The following CYP3A4 variants were observed in gnomAD, a reference collection of about 807,000 sequenced individuals.
The protein encoded by CYP3A4 is cytochrome P450 family 3 subfamily A member 4.
Under a neutral mutation model 54.9 loss-of-function variants are expected in CYP3A4, and 41 were observed. The observed-to-expected ratio is 0.75, with a 90% CI of 0.58 to 0.97. The LOEUF (loss-of-function observed/expected upper bound fraction) is 0.97, where lower values mean the gene tolerates loss of function less well. Among genes scored for constraint, CYP3A4 ranks in the 50% least tolerant of loss-of-function variants. CYP3A4 has a pLI of 0.00. For synonymous variants in CYP3A4, 179 were observed against 205.2 expected, an observed-to-expected ratio of 0.87 and a Z score of 1.09; for missense variants, 510 against 597.3, an observed-to-expected ratio of 0.85 and a Z score of 1.52.
chr7:99,768,213 T>C, intron 7 of CYP3A4, 141 bp downstream of exon 7: 2 of 1,027,526 alleles, frequency 1.9e-6, no homozygotes, highest in Non-Finnish European at 2.8e-6. Flanking sequence ...AAAATGATGA[T>C]GGTCACACAT....
chr7:99,775,948 C>T (rs1190379786), intron 3 of CYP3A4, among the ~76,000 whole-genome samples: 1 of 152,150 alleles, frequency 6.6e-6, no homozygotes, highest in Non-Finnish European at 1.5e-5. Flanking sequence ...ATCCATCTGA[C>T]GAAGGGCTAA....
Position 99,766,781 on chromosome 7 carries a change from G to A in CYP3A4, c.799-338C>T, listed in dbSNP as rs28371758. ...TTTACCAATTTATGATCTGGGGAAA[G>A]CATAATATCAGTAAAATATATTTCC... On this transcript the variant is annotated intron_variant, in intron 8 of 12. Transcript: ENST00000651514. 1,861 of 374,686 alleles carry A rather than the reference G, an allele frequency of 5.0e-3. 24 individuals carry two copies. Among genetic ancestry groups the A allele is most frequent in the Admixed American group, 0.02 (468 of 23,100 alleles). 23.2% of individuals were successfully genotyped at this position (374,686 alleles called of 1,614,324 possible).
intron 2 of CYP3A4, among the ~76,000 whole-genome samples, chr7:99,778,862 G>GA (rs1815842395): frequency 6.6e-6 from 1 of 152,184 alleles, no homozygotes; most frequent in Non-Finnish European, 1.5e-5. Flanking sequence ...AGTTGACCTG[G>GA]AAAAGGTGGC....
chr7:99,781,920 G>A (rs143682015), intron 1 of CYP3A4, among the ~76,000 whole-genome samples: 21 of 152,328 alleles, frequency 1.4e-4, no homozygotes, highest in African/African-American at 4.8e-4. Flanking sequence ...TACAAATCCG[G>A]TGACTGTGAT....
Position 99,757,981 on chromosome 7 carries a change from C to G in CYP3A4, c.*152G>C. ...ACACTCTACACAGACAATGAGAGAGCTCAATGCATGTACAGAATCCCCGGT... is the reference window on the plus strand; with the variant it reads ...ACACTCTACACAGACAATGAGAGAGGTCAATGCATGTACAGAATCCCCGGT... On this transcript the variant is annotated 3_prime_UTR_variant, in exon 13 of 13. Coordinates refer to ENST00000651514, the MANE Select transcript of CYP3A4 (RefSeq NM_017460.6). The G allele has an allele frequency of 1.5e-6, 1 of 646,710 alleles. No individual in the cohort carries two copies. Among genetic ancestry groups the G allele is most frequent in the Non-Finnish European group, 2.7e-6 (1 of 365,268 alleles). The allele number at this position is 646,710 out of a possible 1,614,324, so 40.1% of individuals were successfully genotyped here. A position where few individuals can be genotyped will look rare whatever the true frequency, so the allele number is the denominator to read the frequency against.
In CYP3A4 at chr7:99,767,049, G is replaced by A. The variant is rs12721624; in HGVS notation, c.798+82C>T. ...TAAAAGCATTCTTTAAAAACATACA[G>A]GTAACTGCACTGATCATATGTATAT... On this transcript the variant is annotated intron_variant, in intron 8 of 12. Coordinates refer to ENST00000651514, the MANE Select transcript of CYP3A4 (RefSeq NM_017460.6). 1,439 of 1,284,642 alleles carry A rather than the reference G, an allele frequency of 1.1e-3. 10 individuals carry two copies. The African/African-American group carries it at 0.02, about 18-fold the overall frequency. 79.6% of individuals were successfully genotyped at this position (1,284,642 alleles called of 1,614,324 possible).
At chr7:99,782,944 C>T (rs950422041) in intron 1 of CYP3A4, among the ~76,000 whole-genome samples, 2 of 152,082 alleles carry the variant, frequency 1.3e-5, no homozygotes, top group Admixed American at 1.3e-4. Flanking sequence ...TTTATTGTAA[C>T]AAATACTGAA....
intron 1 of CYP3A4, among the ~76,000 whole-genome samples, chr7:99,782,995 A>T (rs779153908): frequency 9.2e-5 from 14 of 152,200 alleles, no homozygotes; most frequent in Non-Finnish European, 1.5e-4. Flanking sequence ...ACATGTTGGA[A>T]ATAGACTATC....
chr7:99,779,631 CAG>C (rs1384780865), intron 2 of CYP3A4, among the ~76,000 whole-genome samples: 2 of 152,192 alleles, frequency 1.3e-5, no homozygotes, highest in Non-Finnish European at 2.9e-5. Flanking sequence ...AAGTCACAAT[CAG>C]GGGGTCCTTT....
At chr7:99,760,685 T>G in intron 12 of CYP3A4, 134 bp downstream of exon 12, 1 of 1,197,886 alleles carries the variant, frequency 8.3e-7, no homozygotes, top group Non-Finnish European at 1.2e-6. Context: ...AGATCACAGA[T>G]GGGCCTAATT....
intron 3 of CYP3A4, among the ~76,000 whole-genome samples, chr7:99,773,090 G>C (rs2151562455): frequency 6.6e-6 from 1 of 152,122 alleles, no homozygotes; most frequent in Admixed American, 6.5e-5. Flanking sequence ...GATCAAAAGA[G>C]ACAAAGATGG....
At chr7:99,764,774 C>G (rs1021816046) in intron 9 of CYP3A4, among the ~76,000 whole-genome samples, 3 of 152,114 alleles carry the variant, frequency 2.0e-5, no homozygotes, top group Admixed American at 6.5e-5. Flanking sequence ...TCAGGATGTA[C>G]AAGAATGAGA....
chr7:99,761,979 G>A, intron 11 of CYP3A4, 62 bp downstream of exon 11: 1 of 1,404,844 alleles, frequency 7.1e-7, no homozygotes, highest in Non-Finnish European at 1.0e-6. Context: ...TAGATTAAGA[G>A]AGGCAGAATA....
chr7:99,773,471 A>C (rs2151562663), intron 3 of CYP3A4, among the ~76,000 whole-genome samples: 1 of 152,340 alleles, frequency 6.6e-6, no homozygotes, highest in South Asian at 2.1e-4. Context: ...GCAAATGTAA[A>C]AGAAAAGAAA....
At chr7:99,766,716 G>C in intron 8 of CYP3A4, 1 of 472,106 alleles carries the variant, frequency 2.1e-6, no homozygotes, top group Non-Finnish European at 3.8e-6. Flanking sequence ...ACTTTCATTT[G>C]AGAATGTGTA....
rs1364718954 is a variant in CYP3A4, at chr7:99,758,244, A to G, written c.1417-16T>C. 1 of 1,611,446 alleles carries G rather than the reference A, an allele frequency of 6.2e-7. No homozygotes were observed. Among genetic ancestry groups the G allele is most frequent in the Non-Finnish European group, 8.5e-7 (1 of 1,177,894 alleles). Reference sequence around the variant, plus strand: ...TCAGGGGGATCTGCAACAGTTAAACAAGCATATTGAGAAGCATTAAATAAA... The same window carrying G: ...TCAGGGGGATCTGCAACAGTTAAACGAGCATATTGAGAAGCATTAAATAAA... On this transcript the variant is annotated splice_polypyrimidine_tract_variant and intron_variant, in intron 12 of 12. Coordinates refer to ENST00000651514, the MANE Select transcript of CYP3A4 (RefSeq NM_017460.6).
chr7:99,758,337 T>G (rs1815234659), intron 12 of CYP3A4, 109 bp from the exon 13 acceptor site: 1 of 1,275,986 alleles, frequency 7.8e-7, no homozygotes, highest in Admixed American at 1.8e-5. Context: ...CACAACAGAG[T>G]GATATTCTGA....
At chr7:99,777,271 G>A (rs565223141) in intron 3 of CYP3A4, among the ~76,000 whole-genome samples, 152 of 152,186 alleles carry the variant, frequency 1.0e-3, no homozygotes, top group African/African-American at 3.5e-3. Flanking sequence ...AAAAGAAGAG[G>A]GGAATAGGCA....
At chr7:99,778,994 T>G (rs1379663498) in intron 2 of CYP3A4, among the ~76,000 whole-genome samples, 2 of 152,122 alleles carry the variant, frequency 1.3e-5, no homozygotes, top group African/African-American at 2.4e-5. Context: ...GTGGGAAAGA[T>G]GATGTAAGCC....
Sources: allele counts gnomAD v4.1 joint callset (sites outside exome capture counted in the v4.1 genomes callset), GRCh38; gene constraint gnomAD v4.1.1; transcripts MANE v1.5; gene names NCBI Gene and HGNC (gene_info 2026-07-23, HGNC 2026-07-21).